The following RSRP1 variants were observed in gnomAD, a reference collection of about 807,000 sequenced individuals.
RSRP1 encodes the protein arginine and serine rich protein 1, also known as arginine/serine-rich protein 1.
A neutral mutation model predicts 33.0 loss-of-function variants in RSRP1; 37 were observed. The observed-to-expected ratio is 1.12, with a 90% CI of 0.86 to 1.48. RSRP1 has a LOEUF of 1.48. Among genes scored for constraint, RSRP1 ranks in the 40% most tolerant of loss-of-function variants. RSRP1 has a pLI of 0.00. For missense variants in RSRP1, 402 were observed against 385.3 expected, an observed-to-expected ratio of 1.04 and a Z score of -0.36; for synonymous variants, 167 against 158.7, an observed-to-expected ratio of 1.05 and a Z score of -0.40.
chr1:25,244,901 C>A (rs1304144654), intron 3 of RSRP1: 1 of 1,319,086 alleles, frequency 7.6e-7, no homozygotes, highest in African/African-American at 1.5e-5. Flanking sequence ...CCAGGCTAGT[C>A]TTGAACTCCT....
chr1:25,284,736 G>T, intron 1 of RSRP1: 1 of 1,388,988 alleles, frequency 7.2e-7, no homozygotes, highest in African/African-American at 1.4e-5. Context: ...TCCCTTCTGG[G>T]AAGGTGGTCA....
At position 25,331,217 on chromosome 1, in the gene RSRP1, C is replaced by T. The variant is rs1415529525; in HGVS notation, c.-67+6761G>A. On this transcript the variant is annotated intron_variant, in intron 1 of 1. Coordinates refer to the RSRP1 transcript ENST00000561867. ...TCCTGACCTTGTCATCTGCCTGCCT[C>T]GGCCTCCCAAAGTGCTAGGATTACA... Among the ~76,000 whole-genome samples, 72 of 130,366 alleles carry T rather than the reference C, an allele frequency of 5.5e-4. 9 individuals are homozygous for T. The highest frequency in any genetic ancestry group is 1.5e-3 in the African/African-American group (58 of 38,468). The allele number at this position is 130,366 out of a possible 152,430, so 85.5% of individuals were successfully genotyped here.
chr1:25,307,462 G>T (rs1643908868), intron 1 of RSRP1, among the ~76,000 whole-genome samples: 1 of 132,494 alleles, frequency 7.5e-6, no homozygotes, highest in Non-Finnish European at 1.8e-5. Context: ...TTTTAGAGAT[G>T]AACTGGTAGC....
upstream of RSRP1, among the ~76,000 whole-genome samples, chr1:25,251,387 T>C (rs1639776961): frequency 6.6e-6 from 1 of 152,192 alleles, no homozygotes; most frequent in African/African-American, 2.4e-5. Flanking sequence ...TTTTCTTTTT[T>C]GAGACGGAGT....
upstream of RSRP1, among the ~76,000 whole-genome samples, chr1:25,249,446 C>A (rs1639708134): frequency 6.6e-6 from 1 of 152,106 alleles, no homozygotes; most frequent in African/African-American, 2.4e-5. Context: ...TCACACAATT[C>A]TTGTGCCTCA....
rs139204055 is a variant in RSRP1, at chr1:25,295,931, T to C, written c.-67+42047A>G. On this transcript the variant is annotated intron_variant, in intron 1 of 1. Coordinates refer to the RSRP1 transcript ENST00000561867. Reference sequence around the variant, plus strand: ...AGGCTGGATTGCAATGTTGCAATCTTGGCTCACTGCAACTTCTGCCTTCCA... The same window carrying C: ...AGGCTGGATTGCAATGTTGCAATCTCGGCTCACTGCAACTTCTGCCTTCCA... Among the ~76,000 whole-genome samples the C allele has an allele frequency of 6.8e-3, 781 of 115,372 alleles. 83 individuals are homozygous for C. The highest frequency in any genetic ancestry group is 0.02 in the African/African-American group (647 of 33,010). 75.7% of individuals were successfully genotyped at this position (115,372 alleles called of 152,430 possible).
chr1:25,291,504 TGATA>T (rs111772627), intron 1 of RSRP1, among the ~76,000 whole-genome samples: 2,902 of 130,986 alleles, frequency 0.022, 379 homozygotes, highest in African/African-American at 0.067. Flanking sequence ...AAGAAAAGAT[TGATA>T]GATAGATAGA....
At chr1:25,243,349 C>T (rs760390654) in intron 4 of RSRP1, among the ~76,000 whole-genome samples, 6 of 152,050 alleles carry the variant, frequency 3.9e-5, no homozygotes, top group Non-Finnish European at 8.8e-5. Context: ...GGCAAAATAT[C>T]GGAACTAACG....
In RSRP1 at chr1:25,279,335, T is replaced by C. The variant is rs577756986; in HGVS notation, c.-66-32306A>G. 8.8e-5 allele frequency among the ~76,000 whole-genome samples: 11 copies of C among 125,192 alleles called. 1 individual carries two copies. The highest frequency in any genetic ancestry group is 5.0e-4 in the South Asian group (2 of 4,040). 82.1% of individuals were successfully genotyped at this position (125,192 alleles called of 152,430 possible). A position where few individuals can be genotyped will look rare whatever the true frequency, so the allele number is the denominator to read the frequency against. On this transcript the variant is annotated intron_variant, in intron 1 of 1. Transcript: ENST00000561867. ...GCAATCCTCTGAGCAGCTGGCATTG[T>C]TTCATCTCAATTTTACAGCTCAGGA... is the stretch of plus-strand genomic sequence containing the variant.
At chr1:25,243,737 C>A in intron 3 of RSRP1, 104 bp from the exon 4 acceptor site, 1 of 1,484,966 alleles carries the variant, frequency 6.7e-7, no homozygotes, top group Non-Finnish European at 9.0e-7. Flanking sequence ...GCTGTAGACA[C>A]AAAAATCAAC....
chr1:25,290,654 AC>A (rs1338961885), intron 1 of RSRP1: 1 of 1,378,460 alleles, frequency 7.3e-7, no homozygotes, highest in Non-Finnish European at 1.0e-6. Context: ...TCGGCTGGCC[AC>A]CATGAGTGCT....
At chr1:25,268,984 C>G (rs1640413451) in intron 1 of RSRP1, among the ~76,000 whole-genome samples, 1 of 127,438 alleles carries the variant, frequency 7.8e-6, no homozygotes, top group Non-Finnish European at 1.8e-5. Flanking sequence ...TCAGGGAAAA[C>G]TTTCCTGAGA....
chr1:25,287,595 T>G (rs1642144503), intron 1 of RSRP1, among the ~76,000 whole-genome samples: 1 of 135,256 alleles, frequency 7.4e-6, no homozygotes, highest in Non-Finnish European at 1.8e-5. Flanking sequence ...CTGTTTTGAG[T>G]CCCTTCAGGG....
Position 25,274,986 on chromosome 1 carries a change from A to T in RSRP1, c.-66-27957T>A, listed in dbSNP as rs1640826660. Among the ~76,000 whole-genome samples the T allele has an allele frequency of 2.3e-5, 3 of 130,846 alleles. 1 individual carries two copies. Among genetic ancestry groups the T allele is most frequent in the African/African-American group, 7.8e-5 (3 of 38,330 alleles). 85.8% of individuals were successfully genotyped at this position (130,846 alleles called of 152,430 possible). ...ACAAAAACAACAACAAGAACAACAA[A>T]AAAACAAAGAGGAGAGCAGGGACTG... On this transcript the variant is annotated intron_variant, in intron 1 of 1. Transcript: ENST00000561867.
chr1:25,290,504 T>C, intron 1 of RSRP1: 1 of 813,100 alleles, frequency 1.2e-6, no homozygotes, highest in Non-Finnish European at 2.0e-6. Context: ...TGGGTAGAAA[T>C]CTTGTCTTCT....
rs113432377 is a variant in RSRP1, at chr1:25,254,183, G to C, written c.-66-7154C>G. Among the ~76,000 whole-genome samples, 11 of 152,274 alleles carry C rather than the reference G, an allele frequency of 7.2e-5. 3 individuals are homozygous for C. The highest frequency in any genetic ancestry group is 2.6e-4 in the African/African-American group (11 of 41,548). ...CCCATAGGAGCTCACTCCACTGTTT[G>C]CAATTACTGAGCCTTGGTGTAAGTC... On this transcript the variant is annotated intron_variant, in intron 1 of 1. Transcript: ENST00000561867.
At chr1:25,250,672 G>C (rs1639749554), upstream of RSRP1, among the ~76,000 whole-genome samples, 1 of 152,200 alleles carries the variant, frequency 6.6e-6, no homozygotes, top group Admixed American at 6.5e-5. Flanking sequence ...TCTCAGGAGA[G>C]AGTCAAAGCA....
At chr1:25,276,002 C>T (rs1640927382) in intron 1 of RSRP1, among the ~76,000 whole-genome samples, 1 of 132,196 alleles carries the variant, frequency 7.6e-6, no homozygotes, top group Admixed American at 7.4e-5. Flanking sequence ...TTGAGTTAAA[C>T]TTAGGTAACT....
rs372977000 is a variant in RSRP1, at chr1:25,245,262, G to A, written c.560C>T (p.Ala187Val). The change falls in exon 3 of 5, where the codon GCG becomes GTG. Residue 187 changes from alanine (A) to valine (V), a missense_variant. Ala to Val is a moderately conservative substitution (Grantham distance 64). Transcript: ENST00000243189. ...ELLEIAKTNA[A>V]KALGTTNIDL... ...AATGTTGGTTGTTCCTAGAGCTTTC[G>A]CTGCATTGGTTTTTGCTATTTCTAA... 6.6e-5 allele frequency: 106 copies of A among 1,613,550 alleles called. No homozygotes were observed. The highest frequency in any genetic ancestry group is 8.2e-5 in the Non-Finnish European group (97 of 1,179,976).
Sources: allele counts gnomAD v4.1 joint callset (sites outside exome capture counted in the v4.1 genomes callset), GRCh38; gene constraint gnomAD v4.1.1; transcripts MANE v1.5; gene names NCBI Gene and HGNC (gene_info 2026-07-23, HGNC 2026-07-21).